STAC: variants seen among roughly 807,000 people sequenced by gnomAD.
The protein encoded by STAC is SH3 and cysteine-rich domain-containing protein.
In STAC, 43 loss-of-function variants were observed where a neutral mutation model predicts 48.8. That is an observed-to-expected ratio of 0.88 (90% CI 0.69 to 1.14). The LOEUF (loss-of-function observed/expected upper bound fraction) is 1.14. STAC is among the 50% of genes most tolerant of loss of function. The pLI, the probability that STAC is intolerant of heterozygous loss-of-function variation, is 0.00. For missense variants in STAC, 497 were observed against 504.0 expected (o/e 0.99, Z 0.13); for synonymous variants, 193 against 179.5 (o/e 1.07, Z -0.60).
chr3:36,493,309 C>G (rs1358682935), intron 6 of STAC, 80 bp downstream of exon 6: 2 of 1,331,856 alleles, frequency 1.5e-6, no homozygotes, highest in African/African-American at 1.4e-5. Context: ...TTTCCAGTCC[C>G]CTTGCTTTCT....
chr3:36,528,026 T>C (rs749406339), intron 8 of STAC, among the ~76,000 whole-genome samples: 1 of 152,060 alleles, frequency 6.6e-6, no homozygotes, highest in Non-Finnish European at 1.5e-5. Context: ...AAAAAATACA[T>C]GAACATATCT....
At chr3:36,449,253 T>G (rs1187850894) in intron 2 of STAC, among the ~76,000 whole-genome samples, 1 of 151,836 alleles carries the variant, frequency 6.6e-6, no homozygotes, top group Non-Finnish European at 1.5e-5. Context: ...AGTCCTGCCA[T>G]CCTGAAAACA....
At chr3:36,454,188 T>G (rs539376435) in intron 2 of STAC, among the ~76,000 whole-genome samples, 7 of 152,272 alleles carry the variant, frequency 4.6e-5, no homozygotes, top group Admixed American at 4.6e-4. Flanking sequence ...CTTTCGCTCT[T>G]TGCAATAAAT....
intron 10 of STAC, 129 bp from the exon 11 acceptor site, chr3:36,546,062 C>A: frequency 1.4e-6 from 1 of 716,692 alleles, no homozygotes; most frequent in Non-Finnish European, 2.4e-6. Context: ...GTTTCCCACC[C>A]TAAAACTGCT....
intron 1 of STAC, among the ~76,000 whole-genome samples, chr3:36,437,747 T>C (rs1696189152): frequency 6.6e-6 from 1 of 150,924 alleles, no homozygotes; most frequent in Admixed American, 6.6e-5. Context: ...CTGCACATTG[T>C]GCACATGTAC....
chr3:36,401,572 G>A (rs971518300), intron 1 of STAC, among the ~76,000 whole-genome samples: 1 of 152,114 alleles, frequency 6.6e-6, no homozygotes, highest in African/African-American at 2.4e-5. Context: ...CCATAGACAG[G>A]ATTCCCCAGC....
intron 1 of STAC, among the ~76,000 whole-genome samples, chr3:36,406,934 C>T (rs1279925745): frequency 6.6e-6 from 1 of 152,224 alleles, no homozygotes; most frequent in East Asian, 1.9e-4. Context: ...GAATGAATCA[C>T]ATGGACTTGG....
At chr3:36,445,450 A>T (rs935440298) in intron 2 of STAC, among the ~76,000 whole-genome samples, 2 of 152,186 alleles carry the variant, frequency 1.3e-5, no homozygotes, top group African/African-American at 4.8e-5. Flanking sequence ...GGGTTTAGAA[A>T]GGGGATATGG....
chr3:36,434,324 A>G (rs975222582), intron 1 of STAC, among the ~76,000 whole-genome samples: 1 of 152,224 alleles, frequency 6.6e-6, no homozygotes, highest in Non-Finnish European at 1.5e-5. Flanking sequence ...GAAAATAGTG[A>G]GCATTTCAAT....
intron 1 of STAC, among the ~76,000 whole-genome samples, chr3:36,396,367 G>GA (rs1226553241): frequency 6.6e-6 from 1 of 152,030 alleles, no homozygotes; most frequent in Non-Finnish European, 1.5e-5. Context: ...AAAATCACAG[G>GA]ATACAAATGC....
intron 2 of STAC, among the ~76,000 whole-genome samples, chr3:36,470,754 T>G (rs1213350080): frequency 6.6e-6 from 1 of 152,256 alleles, no homozygotes; most frequent in Non-Finnish European, 1.5e-5. Context: ...AAGCTAGTCC[T>G]GCCTCCTGTC....
intron 2 of STAC, among the ~76,000 whole-genome samples, chr3:36,449,641 A>T (rs1471323339): frequency 1.3e-5 from 2 of 152,216 alleles, no homozygotes; most frequent in Non-Finnish European, 2.9e-5. Context: ...GTATTTTAAG[A>T]AATCTCTCAT....
rs775095895 is a variant in STAC at position 36,502,320 on chromosome 3, G to A, written c.767-2073G>A. Among the ~76,000 whole-genome samples, 15 of 152,020 alleles carry A rather than the reference G, an allele frequency of 9.9e-5. 1 individual carries two copies. Among genetic ancestry groups the A allele is most frequent in the Admixed American group, 2.0e-4 (3 of 15,246 alleles). ...AATAAAAGGTGTATGATATGTTTTC[G>A]GTAGTTACCTTTCTTTTCTCCGCTT... is the stretch of plus-strand genomic sequence containing the variant. On this transcript the variant is annotated intron_variant, in intron 6 of 10. Transcript: ENST00000273183.
In STAC at chr3:36,547,385, T is replaced by C. The variant is rs759339625; in HGVS notation, c.*1096T>C. On this transcript the variant is annotated 3_prime_UTR_variant, in exon 11 of 11. Coordinates refer to ENST00000273183, the MANE Select transcript of STAC (RefSeq NM_003149.3). ...GTAAAATGGAAAAGAATCCTAATGCTTCTTCCTTCAGAAAGTAGAGGAACT... is the reference window on the plus strand; with the variant it reads ...GTAAAATGGAAAAGAATCCTAATGCCTCTTCCTTCAGAAAGTAGAGGAACT... 3.9e-5 allele frequency: 6 copies of C among 152,638 alleles called. No homozygotes were observed. The highest frequency in any genetic ancestry group is 8.8e-5 in the Non-Finnish European group (6 of 68,038). 9.5% of individuals were successfully genotyped at this position (152,638 alleles called of 1,614,324 possible).
At chr3:36,457,116 A>T (rs987438587) in intron 2 of STAC, among the ~76,000 whole-genome samples, 15 of 152,232 alleles carry the variant, frequency 9.9e-5, no homozygotes, top group African/African-American at 3.4e-4. Flanking sequence ...CATTGGATTC[A>T]TAGAAAGTAA....
At chr3:36,519,039 G>A (rs1026500688) in intron 8 of STAC, among the ~76,000 whole-genome samples, 2 of 152,166 alleles carry the variant, frequency 1.3e-5, no homozygotes, top group Non-Finnish European at 2.9e-5. Flanking sequence ...GATTCCAGAA[G>A]GAAGAGGGGT....
chr3:36,530,874 AGG>A (rs1245288805), intron 10 of STAC, among the ~76,000 whole-genome samples: 1 of 152,162 alleles, frequency 6.6e-6, no homozygotes, highest in Non-Finnish European at 1.5e-5. Context: ...CTGGGATTAC[AGG>A]CGTGAGCCAC....
chr3:36,437,928 TG>T (rs1379636539), intron 1 of STAC, among the ~76,000 whole-genome samples: 2 of 106,058 alleles, frequency 1.9e-5, no homozygotes, highest in East Asian at 5.2e-4. Flanking sequence ...TGATATTCAT[TG>T]AGTTATTATT....
At chr3:36,475,956 T>C (rs570722431) in intron 2 of STAC, among the ~76,000 whole-genome samples, 8 of 152,228 alleles carry the variant, frequency 5.3e-5, no homozygotes, top group African/African-American at 1.9e-4. Context: ...CATTAGAACA[T>C]TGGAATAAAA....
Sources: allele counts gnomAD v4.1 joint callset (sites outside exome capture counted in the v4.1 genomes callset), GRCh38; gene constraint gnomAD v4.1.1; transcripts MANE v1.5; gene names NCBI Gene and HGNC (gene_info 2026-07-23, HGNC 2026-07-21).